DNAH14: variants seen among roughly 807,000 people sequenced by gnomAD.
DNAH14 encodes the protein dynein axonemal heavy chain 14.
Under a neutral mutation model 520.9 loss-of-function variants are expected in DNAH14, and 478 were observed. The ratio of observed to expected loss-of-function variants is 0.92; its 90% CI spans 0.85 to 0.99. The LOEUF (loss-of-function observed/expected upper bound fraction) is 0.99. DNAH14 is among the 50% of genes least tolerant of loss of function. The probability of loss-of-function intolerance (pLI) is 0.00; values close to 1 mark genes in which losing one functional copy is unlikely to be tolerated. For missense variants in DNAH14, 4,831 were observed against 5,234.5 expected (o/e 0.92, Z 2.38); for synonymous variants, 1,581 against 1,757.2 (o/e 0.90, Z 2.51).
Position 225,168,241 on chromosome 1 carries a change from C to T in DNAH14, c.5535+213C>T, listed in dbSNP as rs180878713. ...AGTCTACAGCTCCCAGCGTGAGCGA[C>T]GCAGAAGACGAATGATTTCTGCATT... On this transcript the variant is annotated intron_variant, in intron 36 of 85. Transcript: ENST00000682510. Among the ~76,000 whole-genome samples, 211 of 152,238 alleles carry T rather than the reference C, an allele frequency of 1.4e-3. 2 individuals are homozygous for T. Among genetic ancestry groups the T allele is most frequent in the Non-Finnish European group, 7.1e-4 (48 of 68,028 alleles).
intron 79 of DNAH14, 44 bp downstream of exon 79, chr1:225,377,480 C>A: frequency 6.6e-7 from 1 of 1,509,214 alleles, no homozygotes; most frequent in Non-Finnish European, 8.9e-7. Flanking sequence ...AATTATCAGG[C>A]TGGGTCTGGC....
At chr1:225,149,545 T>C (rs1398249974) in intron 31 of DNAH14, among the ~76,000 whole-genome samples, 4 of 152,242 alleles carry the variant, frequency 2.6e-5, no homozygotes, top group African/African-American at 9.6e-5. Flanking sequence ...TTAGCAATAT[T>C]GATTCTTCCT....
At chr1:225,393,742 TG>T (rs761433606) in intron 84 of DNAH14, among the ~76,000 whole-genome samples, 49 of 152,174 alleles carry the variant, frequency 3.2e-4, no homozygotes, top group Non-Finnish European at 6.2e-4. Context: ...TCCACATCCC[TG>T]CCAACACTCG....
intron 17 of DNAH14, among the ~76,000 whole-genome samples, chr1:225,061,297 G>A (rs112961981): frequency 0.097 from 14,736 of 152,238 alleles, 980 homozygotes; most frequent in East Asian, 0.24. Context: ...CTCCGTGGGC[G>A]TAGGACCCTC....
At chr1:225,207,678 C>T (rs2087767692) in intron 41 of DNAH14, among the ~76,000 whole-genome samples, 1 of 152,106 alleles carries the variant, frequency 6.6e-6, no homozygotes, top group African/African-American at 2.4e-5. Flanking sequence ...AAGTCAGAAT[C>T]CCTACATTCA....
intron 17 of DNAH14, among the ~76,000 whole-genome samples, chr1:225,055,486 G>A (rs750230455): frequency 6.6e-6 from 1 of 152,010 alleles, no homozygotes; most frequent in Non-Finnish European, 1.5e-5. Context: ...GAATAGCTGG[G>A]ACTACAGGCA....
At chr1:225,111,848 T>G (rs2076505299) in intron 23 of DNAH14, among the ~76,000 whole-genome samples, 1 of 152,124 alleles carries the variant, frequency 6.6e-6, no homozygotes, top group Admixed American at 6.6e-5. Context: ...AATAATATCA[T>G]GTAACTGTTA....
rs529704650 is a variant in DNAH14, at chr1:225,051,736, C to T, written c.2365C>T (p.His789Tyr). The T allele has an allele frequency of 2.6e-6, 4 of 1,548,896 alleles. No individual in the cohort carries two copies. Among genetic ancestry groups the T allele is most frequent in the Non-Finnish European group, 3.5e-6 (4 of 1,146,020 alleles). Residue 789 changes from histidine (H) to tyrosine (Y), a missense_variant, in exon 17 of 86, where the codon CAT (histidine) becomes TAT (tyrosine). Coordinates refer to ENST00000682510, the MANE Select transcript of DNAH14 (RefSeq NM_001367479.1). The stretch of plus-strand genomic sequence containing the variant: ...CTTACTGTATATTGACAACGTCATA[C>T]ATATGAGCCACACCCTCATACAATC... ...ECLLYIDNVIHMSHTLIQSVI... is the reference protein window; with the variant it reads ...ECLLYIDNVIYMSHTLIQSVI...
rs749895478 is a variant in DNAH14, at chr1:224,967,423, A to T, written c.499-8A>T. 7.3e-6 allele frequency: 11 copies of T among 1,510,984 alleles called. No homozygotes were observed. The Admixed American group carries it at 2.0e-4, about 27-fold the overall frequency. 93.6% of individuals were successfully genotyped at this position (1,510,984 alleles called of 1,614,324 possible). The stretch of plus-strand genomic sequence containing the variant: ...TAAATTTGTTTATTATTTTTTTTTT[A>T]ATCTCAGAAACCTTTGGAAGATGAT... On this transcript the variant is annotated splice_polypyrimidine_tract_variant and splice_region_variant and intron_variant, in intron 5 of 85. Transcript: ENST00000682510.
chr1:225,261,460 A>G (rs1039187089), intron 46 of DNAH14, among the ~76,000 whole-genome samples: 2 of 152,160 alleles, frequency 1.3e-5, no homozygotes, highest in Non-Finnish European at 2.9e-5. Context: ...TGCATGTTGA[A>G]TCATACATGA....
At chr1:225,369,479 CATATAT>C (rs59948265) in intron 77 of DNAH14, among the ~76,000 whole-genome samples, 30 of 150,230 alleles carry the variant, frequency 2.0e-4, no homozygotes, top group African/African-American at 2.4e-4. Context: ...CATATTGTAG[CATATAT>C]ATATATATAT....
intron 21 of DNAH14, 136 bp from the exon 22 acceptor site, chr1:225,096,981 AT>A: frequency 1.4e-6 from 1 of 731,658 alleles, no homozygotes; most frequent in Non-Finnish European, 2.0e-6. Flanking sequence ...ATCTGTATTC[AT>A]TTATGTGACT....
At chr1:225,087,728 A>G (rs1412339766) in intron 21 of DNAH14, among the ~76,000 whole-genome samples, 1 of 152,252 alleles carries the variant, frequency 6.6e-6, no homozygotes, top group East Asian at 1.9e-4. Context: ...AGTATTTAGG[A>G]TAAACCACCA....
chr1:225,063,298 A>G (rs1019778144), intron 17 of DNAH14, among the ~76,000 whole-genome samples: 3 of 152,176 alleles, frequency 2.0e-5, no homozygotes, highest in African/African-American at 7.2e-5. Context: ...ATCCTCCTGT[A>G]TACTTTAAAT....
At chr1:225,279,309 C>A (rs1306459169) in intron 54 of DNAH14, among the ~76,000 whole-genome samples, 2 of 152,082 alleles carry the variant, frequency 1.3e-5, no homozygotes, top group African/African-American at 4.8e-5. Flanking sequence ...ACCTGGCCCC[C>A]TATTACTATG....
chr1:225,018,864 T>C (rs1378835347), intron 10 of DNAH14, among the ~76,000 whole-genome samples: 3 of 152,200 alleles, frequency 2.0e-5, no homozygotes, highest in Non-Finnish European at 4.4e-5. Context: ...AGGAAATTTG[T>C]TGCCACTAGA....
At chr1:225,111,720 C>T (rs1434634525) in intron 23 of DNAH14, among the ~76,000 whole-genome samples, 2 of 151,720 alleles carry the variant, frequency 1.3e-5, no homozygotes. Flanking sequence ...CTTTCCTTCC[C>T]TCCTGTCTTC....
intron 36 of DNAH14, among the ~76,000 whole-genome samples, chr1:225,174,378 A>T (rs2083081615): frequency 6.6e-6 from 1 of 152,134 alleles, no homozygotes; most frequent in Non-Finnish European, 1.5e-5. Flanking sequence ...TTTATAGATG[A>T]TGATATATGT....
In DNAH14 at chr1:225,360,910, T is replaced by C; in HGVS notation, c.11987+19T>C. On this transcript the variant is annotated intron_variant, in intron 75 of 85. Coordinates refer to ENST00000682510, the MANE Select transcript of DNAH14 (RefSeq NM_001367479.1). ...TAGAATCGTAAGAGTTTTACATTTA[T>C]CTGTAAGGGATCAGATTGGTTACCA... is the stretch of plus-strand genomic sequence containing the variant. The C allele has an allele frequency of 6.5e-7, 1 of 1,547,368 alleles. No homozygotes were observed. The highest frequency in any genetic ancestry group is 8.7e-7 in the Non-Finnish European group (1 of 1,143,210).
Sources: allele counts gnomAD v4.1 joint callset (sites outside exome capture counted in the v4.1 genomes callset), GRCh38; gene constraint gnomAD v4.1.1; transcripts MANE v1.5; gene names NCBI Gene and HGNC (gene_info 2026-07-23, HGNC 2026-07-21).